The following STAB2 variants were observed in gnomAD, a reference collection of about 807,000 sequenced individuals.
STAB2 encodes stabilin 2, also known as stabilin-2.
In STAB2, 288 loss-of-function variants were observed where a neutral mutation model predicts 338.1. The observed-to-expected ratio is 0.85, with a 90% CI of 0.77 to 0.94. The LOEUF (loss-of-function observed/expected upper bound fraction) is 0.94, where lower values mean the gene tolerates loss of function less well. Among genes scored for constraint, STAB2 ranks in the 40% least tolerant of loss-of-function variants. STAB2 has a pLI of 0.00. For missense variants in STAB2, 3,141 were observed against 3,210.1 expected (o/e 0.98, Z 0.52); for synonymous variants, 1,202 against 1,193.3 (o/e 1.01, Z -0.15).
intron 56 of STAB2, among the ~76,000 whole-genome samples, chr12:103,744,488 A>G (rs1882848056): frequency 7.7e-6 from 1 of 130,212 alleles, no homozygotes; most frequent in African/African-American, 3.0e-5. Context: ...TTTTTTTAAG[A>G]CAGGGTCTCA....
intron 17 of STAB2, among the ~76,000 whole-genome samples, chr12:103,661,228 AAAAAAAAAAG>A (rs1376128712): frequency 1.3e-5 from 2 of 151,918 alleles, no homozygotes; most frequent in Non-Finnish European, 2.9e-5. Flanking sequence ...AAAAAAAAAA[AAAAAAAAAAG>A]AGAGAGAGCA....
chr12:103,622,819 G>C (rs1957322746), intron 5 of STAB2, among the ~76,000 whole-genome samples: 1 of 152,174 alleles, frequency 6.6e-6, no homozygotes, highest in Admixed American at 6.5e-5. Context: ...ACCACTGCCT[G>C]TTCTTTGCCT....
At chr12:103,688,059 G>A (rs1280343250) in intron 27 of STAB2, 109 bp from the exon 28 acceptor site, 1 of 1,053,826 alleles carries the variant, frequency 9.5e-7, no homozygotes, top group Non-Finnish European at 1.5e-6. Context: ...CTAGCCCCAG[G>A]AAGGCTGAGT....
At chr12:103,591,857 A>G (rs371983868) in intron 2 of STAB2, among the ~76,000 whole-genome samples, 1 of 152,260 alleles carries the variant, frequency 6.6e-6, no homozygotes, top group African/African-American at 2.4e-5. Flanking sequence ...CATGGGGCTC[A>G]ACTGCAAATG....
At chr12:103,762,167 A>G (rs928206577) in intron 66 of STAB2, 107 bp from the exon 67 acceptor site, 16 of 1,460,794 alleles carry the variant, frequency 1.1e-5, no homozygotes, top group Non-Finnish European at 1.3e-5. Flanking sequence ...TTAACATGTC[A>G]GTATTTTTAT....
At chr12:103,726,070 A>T (rs922335316) in intron 45 of STAB2, 46 bp from the exon 46 acceptor site, 1 of 1,607,830 alleles carries the variant, frequency 6.2e-7, no homozygotes. Flanking sequence ...GTATTGTTCT[A>T]ATATATATTT....
chr12:103,765,905 T>C (rs1227245523), intron 68 of STAB2: 1 of 357,106 alleles, frequency 2.8e-6, no homozygotes, highest in Admixed American at 3.8e-5. Context: ...AGATGAATTT[T>C]CAAACCGAAA....
At chr12:103,727,471 C>G in intron 47 of STAB2, 121 bp downstream of exon 47, 1 of 1,126,280 alleles carries the variant, frequency 8.9e-7, no homozygotes, top group South Asian at 1.3e-5. Context: ...AGGTGGAACT[C>G]ACCAGCAATA....
chr12:103,596,013 TCA>T (rs1956870203), intron 3 of STAB2, among the ~76,000 whole-genome samples: 1 of 152,316 alleles, frequency 6.6e-6, no homozygotes, highest in African/African-American at 2.4e-5. Context: ...TGCTCTATGC[TCA>T]GTTTTACCTC....
chr12:103,630,226 G>T (rs1223996921), intron 5 of STAB2, among the ~76,000 whole-genome samples: 3 of 152,204 alleles, frequency 2.0e-5, no homozygotes, highest in Non-Finnish European at 2.9e-5. Flanking sequence ...GCCTCAACAA[G>T]AATGGCACCA....
intron 34 of STAB2, among the ~76,000 whole-genome samples, chr12:103,701,178 T>C (rs6539096): frequency 0.38 from 57,595 of 150,304 alleles, 11,417 homozygotes; most frequent in Middle Eastern, 0.46. Flanking sequence ...ACAAAGGACA[T>C]GAACTCATCA....
rs775176947 is a variant in STAB2 at position 103,703,261 on chromosome 12, C to T, written c.3828C>T (p.Asp1276=). 6.2e-7 allele frequency: 1 copy of T among 1,613,256 alleles called. No homozygotes were observed. The highest frequency in any genetic ancestry group is 8.5e-7 in the Non-Finnish European group (1 of 1,180,016). The change falls in exon 35 of 69, where the codon GAC becomes GAT. Residue 1276 remains aspartate (D), a synonymous_variant. Coordinates refer to ENST00000388887, the MANE Select transcript of STAB2 (RefSeq NM_017564.10). ...EIQKNRCDNN[D]TTIIRGRCRT... is the part of the protein sequence containing the mutation. ...AGAAGAACAGATGTGATAATAATGA[C>T]ACTACTATTATACGAGTAAGTTCTA...
chr12:103,654,852 T>C, intron 13 of STAB2, 154 bp downstream of exon 13: 3 of 949,388 alleles, frequency 3.2e-6, no homozygotes, highest in Admixed American at 3.0e-5. Flanking sequence ...CTGTTTCCAA[T>C]AGAAACCTGG....
intron 31 of STAB2, among the ~76,000 whole-genome samples, chr12:103,693,136 T>C (rs1878101151): frequency 6.6e-6 from 1 of 152,216 alleles, no homozygotes; most frequent in Non-Finnish European, 1.5e-5. Flanking sequence ...ATATATTATC[T>C]TTCTTGTTTA....
chr12:103,696,559 A>G (rs1878423263), intron 33 of STAB2, among the ~76,000 whole-genome samples: 1 of 152,226 alleles, frequency 6.6e-6, no homozygotes, highest in African/African-American at 2.4e-5. Context: ...TCCACAAAAG[A>G]GTTTTAAGTC....
At chr12:103,656,215 C>T (rs921655451) in intron 15 of STAB2, among the ~76,000 whole-genome samples, 9 of 152,128 alleles carry the variant, frequency 5.9e-5, no homozygotes, top group Admixed American at 2.6e-4. Flanking sequence ...GAATTTTGTT[C>T]GTTAGAATGT....
At chr12:103,612,157 T>C (rs1456960163) in intron 3 of STAB2, among the ~76,000 whole-genome samples, 1 of 152,232 alleles carries the variant, frequency 6.6e-6, no homozygotes, top group Non-Finnish European at 1.5e-5. Context: ...CTGACAATTA[T>C]GTGTCTTGGA....
chr12:103,670,208 C>A (rs1875622892), intron 21 of STAB2, among the ~76,000 whole-genome samples: 1 of 152,054 alleles, frequency 6.6e-6, no homozygotes, highest in South Asian at 2.1e-4. Flanking sequence ...AGGGAGAGGC[C>A]AGTACAAATG....
In STAB2 at chr12:103,603,230, C is replaced by T. The variant is rs375610141; in HGVS notation, c.331+8720C>T. Among the ~76,000 whole-genome samples the T allele has an allele frequency of 9.9e-5, 15 of 152,238 alleles. 1 individual carries two copies. The East Asian group carries it at 2.7e-3, about 27-fold the overall frequency. On this transcript the variant is annotated intron_variant, in intron 3 of 68. Coordinates refer to ENST00000388887, the MANE Select transcript of STAB2 (RefSeq NM_017564.10). ...GGACTACAGGCACCCGCAACCACGC[C>T]TGGCTAATTTTTTGTATTTTTAGTA...
Sources: gnomAD v4.1 joint callset for allele counts (sites outside exome capture counted in the v4.1 genomes callset) on GRCh38, gnomAD v4.1.1 for gene constraint, MANE v1.5 for transcripts, NCBI Gene and HGNC (gene_info 2026-07-23, HGNC 2026-07-21) for gene names.